ST8SIA1: variants seen among roughly 807,000 people sequenced by gnomAD.
ST8SIA1 encodes ST8 alpha-N-acetyl-neuraminide alpha-2,8-sialyltransferase 1, also known as alpha-N-acetylneuraminide alpha-2,8-sialyltransferase.
ST8SIA1 carries 16 observed loss-of-function variants against 35.9 expected under a neutral mutation model. That is an observed-to-expected ratio of 0.45 (90% CI 0.30 to 0.68). ST8SIA1 has a LOEUF of 0.68. Ranked by LOEUF, ST8SIA1 falls within the 30% of genes least tolerant of loss-of-function variation. The pLI is 0.09. For missense variants in ST8SIA1, 383 were observed against 453.6 expected, an observed-to-expected ratio of 0.84 and a Z score of 1.41; for synonymous variants, 170 against 169.6, an observed-to-expected ratio of 1.00 and a Z score of -0.02.
intron 1 of ST8SIA1, among the ~76,000 whole-genome samples, chr12:22,293,011 T>G (rs1426229142): frequency 6.6e-6 from 1 of 152,230 alleles, no homozygotes; most frequent in African/African-American, 2.4e-5. Flanking sequence ...ACAATCAAAA[T>G]TCAAATTGAA....
rs1249393878 is a variant in ST8SIA1, at chr12:22,285,883, A to AAACAAAAAAAACAAAAAAAC, written c.381+1265_381+1266insGTTTTTTTGTTTTTTTTGTT. On this transcript the variant is annotated intron_variant, in intron 2 of 4. Transcript: ENST00000396037. ...AGTAAGACTCTGTCAAAAACAAAAA[A>AAACAAAAAAAACAAAAAAAC]AAAAAAAAAAAAAGGACATTTCCAT... 5.9e-4 allele frequency among the ~76,000 whole-genome samples: 89 copies of AAACAAAAAAAACAAAAAAAC among 150,998 alleles called. 1 individual carries two copies. The highest frequency in any genetic ancestry group is 1.1e-3 in the Non-Finnish European group (76 of 67,754).
At chr12:22,281,172 T>A (rs1329690459) in intron 2 of ST8SIA1, among the ~76,000 whole-genome samples, 1 of 152,234 alleles carries the variant, frequency 6.6e-6, no homozygotes, top group Non-Finnish European at 1.5e-5. Flanking sequence ...AATAATATTA[T>A]CATATGTTTT....
intron 1 of ST8SIA1, among the ~76,000 whole-genome samples, chr12:22,318,576 C>T (rs567258491): frequency 6.6e-6 from 1 of 151,958 alleles, no homozygotes; most frequent in South Asian, 2.1e-4. Context: ...TCCCTGCCTC[C>T]TTCTCAAGCT....
In ST8SIA1 at chr12:22,227,910, G is replaced by A. The variant is rs73267910; in HGVS notation, c.584+21096C>T. 3.7e-4 allele frequency among the ~76,000 whole-genome samples: 57 copies of A among 152,302 alleles called. 1 individual carries two copies. Among genetic ancestry groups the A allele is most frequent in the African/African-American group, 1.3e-3 (55 of 41,570 alleles). On this transcript the variant is annotated intron_variant, in intron 4 of 4. Coordinates refer to ENST00000396037, the MANE Select transcript of ST8SIA1 (RefSeq NM_003034.4). ...TACTCCAACTGACAGGTTGTCTGAT[G>A]ATGGTTAGGGAGTCATACGCAGAAT...
chr12:22,254,510 T>C (rs1865707639), intron 3 of ST8SIA1, among the ~76,000 whole-genome samples: 1 of 152,160 alleles, frequency 6.6e-6, no homozygotes, highest in African/African-American at 2.4e-5. Flanking sequence ...TGTCACTCTT[T>C]GTCCTTCTTC....
chr12:22,294,317 G>C (rs1192723308), intron 1 of ST8SIA1, among the ~76,000 whole-genome samples: 1 of 152,094 alleles, frequency 6.6e-6, no homozygotes, highest in Non-Finnish European at 1.5e-5. Flanking sequence ...TGGGGCAACT[G>C]TATTGGTTCC....
intron 1 of ST8SIA1, among the ~76,000 whole-genome samples, chr12:22,288,978 T>C (rs1866141163): frequency 1.3e-5 from 2 of 152,150 alleles, no homozygotes; most frequent in Admixed American, 6.5e-5. Context: ...ACTCCTGGGC[T>C]CAAGCGATCC....
chr12:22,298,972 G>A (rs1008912055), intron 1 of ST8SIA1, among the ~76,000 whole-genome samples: 1 of 152,028 alleles, frequency 6.6e-6, no homozygotes, highest in Non-Finnish European at 1.5e-5. Context: ...AATGTAGACG[G>A]AATGAATCAT....
rs112328128 is a variant in ST8SIA1, at chr12:22,299,722, A to T, written c.237-12429T>A. Among the ~76,000 whole-genome samples, 132 of 152,274 alleles carry T rather than the reference A, an allele frequency of 8.7e-4. 1 individual carries two copies. The highest frequency in any genetic ancestry group is 3.0e-3 in the African/African-American group (123 of 41,580). On this transcript the variant is annotated intron_variant, in intron 1 of 4. Coordinates refer to ENST00000396037, the MANE Select transcript of ST8SIA1 (RefSeq NM_003034.4). Reference sequence around the variant, plus strand: ...GGGATTGACTTACTCTTAACAAATTATAGGAGATTTTAATTTTTTTAACCC... The same window carrying T: ...GGGATTGACTTACTCTTAACAAATTTTAGGAGATTTTAATTTTTTTAACCC...
intron 1 of ST8SIA1, among the ~76,000 whole-genome samples, chr12:22,304,428 C>T (rs894481621): frequency 1.4e-5 from 2 of 139,032 alleles, no homozygotes; most frequent in African/African-American, 2.7e-5. Context: ...TCTTCTTTCT[C>T]TTGCACCCTC....
intron 4 of ST8SIA1, among the ~76,000 whole-genome samples, chr12:22,209,494 TAAC>T (rs1354233446): frequency 1.3e-5 from 2 of 152,170 alleles, no homozygotes; most frequent in African/African-American, 4.8e-5. Context: ...AAATTGATAA[TAAC>T]AAAGAAATCT....
chr12:22,267,724 A>T (rs770192643), intron 2 of ST8SIA1, among the ~76,000 whole-genome samples: 4 of 152,300 alleles, frequency 2.6e-5, no homozygotes, highest in Non-Finnish European at 5.9e-5. Context: ...CATGGAATTC[A>T]TATTAAAGAT....
chr12:22,284,612 T>TA (rs929592731), intron 2 of ST8SIA1, among the ~76,000 whole-genome samples: 109 of 152,182 alleles, frequency 7.2e-4, no homozygotes, highest in African/African-American at 2.3e-3. Flanking sequence ...CATATGCAAT[T>TA]AAAAAAAATC....
chr12:22,304,561 TTCATCTCAAC>T (rs2135827626), intron 1 of ST8SIA1, among the ~76,000 whole-genome samples: 1 of 152,264 alleles, frequency 6.6e-6, no homozygotes, highest in East Asian at 1.9e-4. Context: ...AACAGACCAG[TTCATCTCAAC>T]TCTTAAACTA....
In ST8SIA1 at chr12:22,205,402, A is replaced by G. The variant is rs146902205; in HGVS notation, c.585-3364T>C. Among the ~76,000 whole-genome samples, 28 of 152,318 alleles carry G rather than the reference A, an allele frequency of 1.8e-4. No individual in the cohort carries two copies. The East Asian group carries it at 5.2e-3, about 28-fold the overall frequency. ...TAGAAATGATTAATTTATAATCAAT[A>G]TGAGCATAAAAGGAAAAACAAAAAC... On this transcript the variant is annotated intron_variant, in intron 4 of 4. Transcript: ENST00000396037.
chr12:22,209,061 C>A (rs185462421), intron 4 of ST8SIA1, among the ~76,000 whole-genome samples: 8 of 152,114 alleles, frequency 5.3e-5, no homozygotes, highest in Admixed American at 4.6e-4. Context: ...ACAATGTAAA[C>A]ATGAGGCAAT....
intron 2 of ST8SIA1, among the ~76,000 whole-genome samples, chr12:22,256,937 A>G (rs901862115): frequency 1.3e-5 from 2 of 152,206 alleles, no homozygotes; most frequent in African/African-American, 4.8e-5. Flanking sequence ...AATTTGTCAG[A>G]TGAAGATTTA....
At chr12:22,312,178 T>C (rs1866458195) in intron 1 of ST8SIA1, among the ~76,000 whole-genome samples, 2 of 152,078 alleles carry the variant, frequency 1.3e-5, no homozygotes, top group African/African-American at 4.8e-5. Flanking sequence ...GCTGTTAAAA[T>C]CTCCCCTCCT....
intron 2 of ST8SIA1, among the ~76,000 whole-genome samples, chr12:22,264,234 CTTAA>C (rs1865822502): frequency 2.0e-5 from 3 of 152,076 alleles, no homozygotes; most frequent in Non-Finnish European, 4.4e-5. Flanking sequence ...TTATGCCCTC[CTTAA>C]CATATTTAAT....
Sources: gnomAD v4.1 joint callset for allele counts (sites outside exome capture counted in the v4.1 genomes callset) on GRCh38, gnomAD v4.1.1 for gene constraint, MANE v1.5 for transcripts, NCBI Gene and HGNC (gene_info 2026-07-23, HGNC 2026-07-21) for gene names.